The following STK32B variants were observed in gnomAD, a reference collection of about 807,000 sequenced individuals.
STK32B encodes the protein serine/threonine-protein kinase 32B.
In STK32B, 43 loss-of-function variants were observed where a neutral mutation model predicts 52.6. The observed-to-expected ratio is 0.82, with a 90% CI of 0.64 to 1.05. STK32B has a LOEUF of 1.05. STK32B is among the 50% of genes least tolerant of loss of function. The probability of loss-of-function intolerance (pLI) is 0.00; values close to 1 mark genes in which losing one functional copy is unlikely to be tolerated. For synonymous variants in STK32B, 238 were observed against 204.3 expected, an observed-to-expected ratio of 1.17 and a Z score of -1.41; for missense variants, 621 against 534.6, an observed-to-expected ratio of 1.16 and a Z score of -1.59.
chr4:5,187,592 G>GT (rs1457521820), intron 3 of STK32B, among the ~76,000 whole-genome samples: 1 of 146,466 alleles, frequency 6.8e-6, no homozygotes, highest in African/African-American at 2.5e-5. Flanking sequence ...GATGGGGTGT[G>GT]TCGGGGCAGG....
At chr4:5,357,078 C>T (rs926642288) in intron 4 of STK32B, among the ~76,000 whole-genome samples, 6 of 140,734 alleles carry the variant, frequency 4.3e-5, no homozygotes, top group Admixed American at 3.6e-4. Context: ...CATATACACA[C>T]ACACACGTAT....
intron 4 of STK32B, among the ~76,000 whole-genome samples, chr4:5,352,174 G>C (rs1230846103): frequency 6.6e-6 from 1 of 152,010 alleles, no homozygotes; most frequent in Non-Finnish European, 1.5e-5. Flanking sequence ...TATTCCTGAT[G>C]ACCTTAGACG....
intron 4 of STK32B, among the ~76,000 whole-genome samples, chr4:5,354,535 G>C (rs983653061): frequency 6.6e-6 from 1 of 152,168 alleles, no homozygotes; most frequent in Non-Finnish European, 1.5e-5. Flanking sequence ...CAAAGTGCTG[G>C]GATTACAGGC....
chr4:5,116,804 G>A (rs186135698), intron 1 of STK32B, among the ~76,000 whole-genome samples: 9 of 152,120 alleles, frequency 5.9e-5, no homozygotes, highest in African/African-American at 2.2e-4. Context: ...ATTTGTTTGT[G>A]TTTTAATTCC....
chr4:5,463,891 C>A (rs1053711402), intron 9 of STK32B, among the ~76,000 whole-genome samples: 1 of 152,310 alleles, frequency 6.6e-6, no homozygotes, highest in South Asian at 2.1e-4. Context: ...CAGAAGCCTT[C>A]TGTATTAGGC....
intron 3 of STK32B, among the ~76,000 whole-genome samples, chr4:5,230,645 C>G (rs930629): frequency 0.19 from 28,933 of 152,090 alleles, 3,226 homozygotes; most frequent in East Asian, 0.36. Flanking sequence ...TGGGACAGCC[C>G]CAAAAGCCAC....
chr4:5,212,904 G>A (rs988900735), intron 3 of STK32B, among the ~76,000 whole-genome samples: 5 of 152,104 alleles, frequency 3.3e-5, no homozygotes, highest in South Asian at 2.1e-4. Flanking sequence ...GCAGAAGGTC[G>A]ACATCGTTTT....
intron 3 of STK32B, among the ~76,000 whole-genome samples, chr4:5,221,735 A>G (rs931273796): frequency 4.0e-5 from 6 of 151,818 alleles, no homozygotes; most frequent in Non-Finnish European, 7.4e-5. Context: ...GTGTGCCTGT[A>G]GTCCCAGCTA....
chr4:5,130,656 A>T (rs1715709555), intron 1 of STK32B, among the ~76,000 whole-genome samples: 1 of 152,096 alleles, frequency 6.6e-6, no homozygotes, highest in African/African-American at 2.4e-5. Context: ...CAGGCATTGG[A>T]GAGCAACTTG....
rs565746943 is a variant in STK32B at position 5,376,579 on chromosome 4, C to G, written c.435-21628C>G. Among the ~76,000 whole-genome samples the G allele has an allele frequency of 2.6e-5, 4 of 152,220 alleles. No homozygotes were observed. The South Asian group carries it at 8.3e-4, about 32-fold the overall frequency. Reference sequence around the variant, plus strand: ...AACACTTACTGAGATTTACCTCTTTCCTCCTCCATAAGGGCACACGGATCC... The same window carrying G: ...AACACTTACTGAGATTTACCTCTTTGCTCCTCCATAAGGGCACACGGATCC... On this transcript the variant is annotated intron_variant, in intron 4 of 11. Coordinates refer to ENST00000282908, the MANE Select transcript of STK32B (RefSeq NM_018401.3).
intron 4 of STK32B, among the ~76,000 whole-genome samples, chr4:5,336,804 C>T (rs75578637): frequency 0.014 from 2,070 of 152,252 alleles, 31 homozygotes; most frequent in East Asian, 0.074. Flanking sequence ...AAAGAACAAT[C>T]TCCCAGACCT....
intron 1 of STK32B, among the ~76,000 whole-genome samples, chr4:5,123,028 C>T (rs970193248): frequency 6.6e-6 from 1 of 152,096 alleles, no homozygotes; most frequent in African/African-American, 2.4e-5. Flanking sequence ...TCTCATTTCT[C>T]ACTGCTGGGT....
intron 3 of STK32B, among the ~76,000 whole-genome samples, chr4:5,200,066 C>T (rs750351837): frequency 4.6e-5 from 7 of 152,108 alleles, no homozygotes; most frequent in Non-Finnish European, 7.3e-5. Context: ...ACTCTGGGGT[C>T]ACTAGCTGCC....
intron 3 of STK32B, among the ~76,000 whole-genome samples, chr4:5,212,080 A>G (rs1722937922): frequency 6.6e-6 from 1 of 152,194 alleles, no homozygotes; most frequent in African/African-American, 2.4e-5. Context: ...ACAGAGCAGG[A>G]CACAGGCGAT....
intron 3 of STK32B, among the ~76,000 whole-genome samples, chr4:5,186,501 A>C (rs1720751068): frequency 6.6e-6 from 1 of 152,208 alleles, no homozygotes; most frequent in Non-Finnish European, 1.5e-5. Context: ...GATGCTAACC[A>C]GCAGTCGCTT....
At chr4:5,186,191 C>T (rs964268019) in intron 3 of STK32B, among the ~76,000 whole-genome samples, 4 of 152,150 alleles carry the variant, frequency 2.6e-5, no homozygotes, top group Non-Finnish European at 5.9e-5. Context: ...TCACCTCCTC[C>T]ATCAGCCCTC....
chr4:5,431,234 G>A (rs1404270323), intron 6 of STK32B, among the ~76,000 whole-genome samples: 3 of 152,220 alleles, frequency 2.0e-5, no homozygotes, highest in African/African-American at 7.2e-5. Flanking sequence ...TGAGAAGTGT[G>A]TAGGGCCAGA....
intron 6 of STK32B, among the ~76,000 whole-genome samples, chr4:5,428,829 C>T (rs1040949804): frequency 3.3e-5 from 5 of 152,040 alleles, no homozygotes; most frequent in Non-Finnish European, 7.4e-5. Flanking sequence ...GATAAATTGC[C>T]CCATTTATCA....
chr4:5,474,528 C>A (rs1718089012), intron 11 of STK32B, among the ~76,000 whole-genome samples: 1 of 152,218 alleles, frequency 6.6e-6, no homozygotes, highest in Non-Finnish European at 1.5e-5. Context: ...TATTAATCTG[C>A]AAAATGGAGA....
Sources: allele counts gnomAD v4.1 joint callset (sites outside exome capture counted in the v4.1 genomes callset), GRCh38; gene constraint gnomAD v4.1.1; transcripts MANE v1.5; gene names NCBI Gene and HGNC (gene_info 2026-07-23, HGNC 2026-07-21).